Variants in SPATA1 observed in about 807,000 individuals in gnomAD.
The protein encoded by SPATA1 is spermatogenesis associated 1, also known as spermatogenesis-associated protein 1.
Under a neutral mutation model 59.6 loss-of-function variants are expected in SPATA1, and 57 were observed. The observed-to-expected ratio is 0.96, with a 90% confidence interval of 0.77 to 1.19. The LOEUF is 1.19. Ranked by LOEUF, SPATA1 falls within the 50% of genes most tolerant of loss-of-function variation. The pLI is 0.00. For missense variants in SPATA1, 448 were observed against 480.7 expected (o/e 0.93, Z 0.64); for synonymous variants, 147 against 163.9 (o/e 0.90, Z 0.79).
downstream of SPATA1, among the ~76,000 whole-genome samples, chr1:84,557,723 T>C (rs1478574177): frequency 1.3e-5 from 2 of 150,714 alleles, no homozygotes; most frequent in Non-Finnish European, 3.0e-5. Context: ...CCAGGCTTGG[T>C]GGCGGGCACC....
At chr1:84,508,092 C>T (rs1312255608) in intron 1 of SPATA1, among the ~76,000 whole-genome samples, 1 of 152,016 alleles carries the variant, frequency 6.6e-6, no homozygotes, top group African/African-American at 2.4e-5. Flanking sequence ...CCATCCTGGC[C>T]AACGTGGGGA....
chr1:84,522,381 A>C lies in SPATA1; in HGVS notation c.144-9A>C. On this transcript the variant is annotated splice_polypyrimidine_tract_variant and intron_variant, in intron 3 of 12. Transcript: ENST00000490879. ...TTTTATATTATAAGGCAATTTTATAATATTTCAGAGTATCTCCTCAACTTA... is the reference window on the plus strand; with the variant it reads ...TTTTATATTATAAGGCAATTTTATACTATTTCAGAGTATCTCCTCAACTTA... 1.4e-6 allele frequency: 2 copies of C among 1,404,218 alleles called. No homozygotes were observed. The highest frequency in any genetic ancestry group is 1.9e-6 in the Non-Finnish European group (2 of 1,057,514). The allele number at this position is 1,404,218 out of a possible 1,614,324, so 87.0% of individuals were successfully genotyped here.
At chr1:84,516,975 C>G (rs1381821693) in intron 2 of SPATA1, among the ~76,000 whole-genome samples, 1 of 152,064 alleles carries the variant, frequency 6.6e-6, no homozygotes, top group African/African-American at 2.4e-5. Flanking sequence ...TATGTCATAC[C>G]ATCTCAGACC....
At chr1:84,540,996 T>C (rs1683880308) in intron 8 of SPATA1, among the ~76,000 whole-genome samples, 1 of 152,256 alleles carries the variant, frequency 6.6e-6, no homozygotes, top group African/African-American at 2.4e-5. Context: ...CTTGACTGGC[T>C]ATAAAATCCT....
At chr1:84,521,314 A>ATAT (rs1683016543) in intron 3 of SPATA1, among the ~76,000 whole-genome samples, 2 of 152,228 alleles carry the variant, frequency 1.3e-5, no homozygotes, top group Admixed American at 6.5e-5. Flanking sequence ...ATATGTATGT[A>ATAT]GATGTGTATT....
chr1:84,542,418 G>T (rs1206041840), intron 8 of SPATA1, among the ~76,000 whole-genome samples: 1 of 152,036 alleles, frequency 6.6e-6, no homozygotes, highest in Non-Finnish European at 1.5e-5. Flanking sequence ...TCTCCCAGAA[G>T]CTATGTCTTA....
At position 84,550,475 on chromosome 1, in the gene SPATA1, AC is replaced by A; in HGVS notation, c.1171del (p.Gln391SerfsTer6). On this transcript the variant is annotated frameshift_variant, in exon 12 of 13. Coordinates refer to ENST00000490879, the Ensembl canonical transcript of SPATA1. LOFTEE classifies it high-confidence loss of function. Reference sequence around the variant, plus strand: ...ATCACTGAGGTACAGCATGCAATTGACCAGCTTAAGAGAAAACTAGATACTG... The same window carrying A: ...ATCACTGAGGTACAGCATGCAATTGACAGCTTAAGAGAAAACTAGATACTG... 1 of 1,570,084 alleles carries A rather than the reference AC, an allele frequency of 6.4e-7. No individual in the cohort carries two copies. Among genetic ancestry groups the A allele is most frequent in the Non-Finnish European group, 8.6e-7 (1 of 1,156,952 alleles).
chr1:84,526,088 G>T lies in SPATA1; in HGVS notation c.544+15G>T. On this transcript the variant is annotated intron_variant, in intron 6 of 12. Transcript: ENST00000490879. The stretch of plus-strand genomic sequence containing the variant: ...TCAGGAAGAAGGTGATTTTAAACTG[G>T]AATGGGAAAAAGAAAGAGGCTATTA... 1 of 1,586,534 alleles carries T rather than the reference G, an allele frequency of 6.3e-7. No homozygotes were observed. The highest frequency in any genetic ancestry group is 1.1e-5 in the South Asian group (1 of 87,482).
intron 1 of SPATA1, among the ~76,000 whole-genome samples, chr1:84,513,120 G>C (rs567256897): frequency 3.3e-5 from 5 of 152,128 alleles, no homozygotes; most frequent in African/African-American, 1.2e-4. Flanking sequence ...TTTTGGTTTT[G>C]TTTTGTTTTG....
chr1:84,538,808 G>C (rs1381914544), intron 8 of SPATA1, among the ~76,000 whole-genome samples: 1 of 152,074 alleles, frequency 6.6e-6, no homozygotes, highest in Non-Finnish European at 1.5e-5. Context: ...TTTGGTTTTG[G>C]TTTTGCTTTG....
intron 8 of SPATA1, among the ~76,000 whole-genome samples, chr1:84,536,936 G>C (rs1374744201): frequency 5.6e-5 from 8 of 143,650 alleles, no homozygotes; most frequent in Admixed American, 5.0e-4. Flanking sequence ...CTAGAGTGCA[G>C]TGACACCATC....
At chr1:84,566,056 T>C in exon 5 of SPATA1, 4 of 1,203,302 alleles carry the variant, frequency 3.3e-6, no homozygotes, top group Non-Finnish European at 4.4e-6. Context: ...TGATCACGTG[T>C]GCATATTACG....
At chr1:84,524,543 G>A (rs1239476437) in intron 4 of SPATA1, among the ~76,000 whole-genome samples, 1 of 152,124 alleles carries the variant, frequency 6.6e-6, no homozygotes, top group East Asian at 1.9e-4. Flanking sequence ...GGAACAAGCT[G>A]CCTCTCAAAT....
chr1:84,522,551 C>A, intron 4 of SPATA1, 44 bp downstream of exon 4: 1 of 990,212 alleles, frequency 1.0e-6, no homozygotes, highest in Non-Finnish European at 1.5e-6. Context: ...AAGACCATAC[C>A]TTCTCAAATT....
chr1:84,516,321 A>C, exon 2 of SPATA1: 2 of 1,492,126 alleles, frequency 1.3e-6, no homozygotes, highest in South Asian at 2.8e-5. Context: ...AAGAAACAAA[A>C]TTCCAATTGA....
At chr1:84,552,789 A>G in intron 12 of SPATA1, 1 of 322,758 alleles carries the variant, frequency 3.1e-6, no homozygotes, top group Non-Finnish European at 5.7e-6. Context: ...GTTCAATTGT[A>G]TTGTCCCTAT....
rs1373001299 is a variant in SPATA1 at position 84,525,751 on chromosome 1, T to A, written c.315+2T>A. ...CTCAAATCATTTGCTCCTCCATATG[T>A]ATGTAATGTGACATTTTAAACTTAT... On this transcript the variant is annotated splice_donor_variant, in intron 5 of 12. Coordinates refer to ENST00000490879, the Ensembl canonical transcript of SPATA1. LOFTEE classifies it high-confidence loss of function. The A allele has an allele frequency of 1.2e-6, 2 of 1,606,418 alleles. No homozygotes were observed. Among genetic ancestry groups the A allele is most frequent in the Non-Finnish European group, 1.7e-6 (2 of 1,178,244 alleles).
chr1:84,533,371 C>T (rs1683548529), intron 7 of SPATA1, among the ~76,000 whole-genome samples: 1 of 152,056 alleles, frequency 6.6e-6, no homozygotes, highest in Admixed American at 6.5e-5. Flanking sequence ...ACGAGTTTTA[C>T]ACAGTCTTTT....
At chr1:84,533,593 T>C (rs1347007669) in intron 7 of SPATA1, 116 bp from the exon 8 acceptor site, 1 of 808,532 alleles carries the variant, frequency 1.2e-6, no homozygotes, top group Non-Finnish European at 2.0e-6. Flanking sequence ...CAGGCTGACT[T>C]TGAAAATTTT....
Sources: allele counts gnomAD v4.1 joint callset (sites outside exome capture counted in the v4.1 genomes callset), GRCh38; gene constraint gnomAD v4.1.1; transcripts MANE v1.5; gene names NCBI Gene and HGNC (gene_info 2026-07-23, HGNC 2026-07-21).